SLC5A12: variants seen among roughly 807,000 people sequenced by gnomAD.
SLC5A12 encodes solute carrier family 5 member 12.
A neutral mutation model predicts 72.7 loss-of-function variants in SLC5A12; 46 were observed. The observed-to-expected ratio is 0.63, with a 90% confidence interval of 0.50 to 0.81. SLC5A12 has a LOEUF of 0.81. Ranked by LOEUF, SLC5A12 falls within the 30% of genes least tolerant of loss-of-function variation. SLC5A12 has a pLI of 0.00. For missense variants in SLC5A12, 683 were observed against 740.7 expected (o/e 0.92, Z 0.90); for synonymous variants, 275 against 264.4 (o/e 1.04, Z -0.39).
At chr11:26,693,383 A>C (rs554586673) in intron 8 of SLC5A12, among the ~76,000 whole-genome samples, 24 of 152,310 alleles carry the variant, frequency 1.6e-4, no homozygotes, top group Admixed American at 1.5e-3. Context: ...TAAAAGAGAA[A>C]GTAGCAAGAG....
chr11:26,678,296 G>C (rs1854310260), intron 13 of SLC5A12, among the ~76,000 whole-genome samples: 1 of 152,058 alleles, frequency 6.6e-6, no homozygotes, highest in African/African-American at 2.4e-5. Flanking sequence ...TTCATACTCA[G>C]GCCTCTGGGG....
intron 7 of SLC5A12, 132 bp from the exon 8 acceptor site, chr11:26,697,384 C>A (rs1298716225): frequency 9.9e-6 from 7 of 709,906 alleles, no homozygotes; most frequent in Non-Finnish European, 1.6e-5. Flanking sequence ...AGCTGTTTAG[C>A]AAAAGGAGGT....
At chr11:26,708,613 A>G (rs905761780) in intron 4 of SLC5A12, among the ~76,000 whole-genome samples, 6 of 152,108 alleles carry the variant, frequency 3.9e-5, no homozygotes, top group Non-Finnish European at 7.4e-5. Context: ...AACCACTACC[A>G]TATGCTTAAC....
Position 26,673,347 on chromosome 11 carries a change from A to T in SLC5A12, c.1707+55T>A, listed in dbSNP as rs753894673. The T allele has an allele frequency of 1.6e-4, 225 of 1,410,868 alleles. 1 individual carries two copies. Among genetic ancestry groups the T allele is most frequent in the Non-Finnish European group, 2.0e-4 (211 of 1,073,494 alleles). 87.4% of individuals were successfully genotyped at this position (1,410,868 alleles called of 1,614,324 possible). On this transcript the variant is annotated intron_variant, in intron 14 of 14. Transcript: ENST00000396005. ...TTTGCAGCCGGTTTAAATGGGCAAA[A>T]CCAGGAATCCCTTTGAGTCCATACA... is the stretch of plus-strand genomic sequence containing the variant.
chr11:26,717,656 C>T (rs1855382469), intron 1 of SLC5A12, among the ~76,000 whole-genome samples: 1 of 152,100 alleles, frequency 6.6e-6, no homozygotes, highest in African/African-American at 2.4e-5. Flanking sequence ...ATAACACTCG[C>T]CTCCAAACTC....
At chr11:26,709,800 G>C (rs1855178577) in intron 3 of SLC5A12, among the ~76,000 whole-genome samples, 2 of 152,048 alleles carry the variant, frequency 1.3e-5, no homozygotes, top group Admixed American at 1.3e-4. Context: ...CAGTAGACTT[G>C]AATTTTTATT....
At chr11:26,717,338 T>C (rs1855373960) in intron 1 of SLC5A12, among the ~76,000 whole-genome samples, 1 of 152,130 alleles carries the variant, frequency 6.6e-6, no homozygotes, top group South Asian at 2.1e-4. Context: ...AGGTAGACAT[T>C]GGCCTATAAG....
intron 6 of SLC5A12, among the ~76,000 whole-genome samples, chr11:26,701,638 A>G (rs1854960164): frequency 6.6e-6 from 1 of 152,202 alleles, no homozygotes; most frequent in Non-Finnish European, 1.5e-5. Context: ...TTACAGCTAT[A>G]TAATTTTATT....
chr11:26,681,235 A>G lies in SLC5A12; in HGVS notation c.1309-14T>C. ...TCCTAGTGCACCCTGGATGAAGAAGAAAAAGGTTAATGGGAAATTTGGCAA... is the reference window on the plus strand; with the variant it reads ...TCCTAGTGCACCCTGGATGAAGAAGGAAAAGGTTAATGGGAAATTTGGCAA... On this transcript the variant is annotated splice_polypyrimidine_tract_variant and intron_variant, in intron 11 of 14. Transcript: ENST00000396005. 4 of 1,550,756 alleles carry G rather than the reference A, an allele frequency of 2.6e-6. No homozygotes were observed. Among genetic ancestry groups the G allele is most frequent in the African/African-American group, 1.4e-5 (1 of 72,784 alleles).
intron 14 of SLC5A12, 44 bp from the exon 15 acceptor site, chr11:26,671,295 G>A: frequency 4.0e-6 from 6 of 1,513,206 alleles, no homozygotes; most frequent in Middle Eastern, 1.8e-4. Context: ...TATCCTTGAT[G>A]TACTCCAAAT....
chr11:26,713,147 A>C (rs1855271819), intron 1 of SLC5A12, among the ~76,000 whole-genome samples: 1 of 152,118 alleles, frequency 6.6e-6, no homozygotes, highest in Admixed American at 6.6e-5. Flanking sequence ...CATATCTCCC[A>C]TATCAATTCT....
At chr11:26,683,543 G>A (rs1389079911) in intron 11 of SLC5A12, among the ~76,000 whole-genome samples, 1 of 152,178 alleles carries the variant, frequency 6.6e-6, no homozygotes, top group African/African-American at 2.4e-5. Context: ...AGGATATGTG[G>A]CAGTTCATAA....
At chr11:26,711,101 T>C (rs970333148) in intron 3 of SLC5A12, among the ~76,000 whole-genome samples, 1 of 152,124 alleles carries the variant, frequency 6.6e-6, no homozygotes. Flanking sequence ...TAGAAGTATA[T>C]GAGTCAAAAC....
chr11:26,679,567 T>C (rs1590709132), intron 12 of SLC5A12, among the ~76,000 whole-genome samples: 1 of 152,176 alleles, frequency 6.6e-6, no homozygotes, highest in Non-Finnish European at 1.5e-5. Context: ...TAGGAGACAC[T>C]AGTATGGCTC....
chr11:26,673,432 A>T lies in SLC5A12; in HGVS notation c.1677T>A (p.Cys559Ter). 6.2e-7 allele frequency: 1 copy of T among 1,607,694 alleles called. No homozygotes were observed. Among genetic ancestry groups the T allele is most frequent in the Non-Finnish European group, 8.5e-7 (1 of 1,177,082 alleles). ...CTGTCCCACTGTCATGCTGAACTCC[A>T]CACCAGCATAGTGTTTTGTACTTCT... ...WSKKYKTLCW[C>*]GVQHDSGTEQ... is the part of the protein sequence containing the mutation. The change falls in exon 14 of 15, where the codon TGT (cysteine) becomes TGA (stop). Residue 559 changes from cysteine to a stop codon, truncating the protein, a stop_gained. Coordinates refer to ENST00000396005, the MANE Select transcript of SLC5A12 (RefSeq NM_178498.4). LOFTEE classifies it low-confidence loss of function (END_TRUNC).
At chr11:26,689,323 G>A (rs771234429) in intron 9 of SLC5A12, among the ~76,000 whole-genome samples, 3 of 152,092 alleles carry the variant, frequency 2.0e-5, no homozygotes, top group Admixed American at 6.6e-5. Context: ...CCTTGAACCC[G>A]GGAGGCGGAG....
At position 26,678,925 on chromosome 11, in the gene SLC5A12, A is replaced by G. The variant is rs1358632105; in HGVS notation, c.1476-110T>C. On this transcript the variant is annotated intron_variant, in intron 12 of 14. Transcript: ENST00000396005. ...GCCTGGCATCTCAAAAGCCTAAATC[A>G]TAACTTTTTGTCATTTAAAAAATTA... 6 of 578,666 alleles carry G rather than the reference A, an allele frequency of 1.0e-5. No individual in the cohort carries two copies. The East Asian group carries it at 1.8e-4, about 17-fold the overall frequency. 35.8% of individuals were successfully genotyped at this position (578,666 alleles called of 1,614,324 possible).
At chr11:26,698,342 T>C (rs922757320) in intron 7 of SLC5A12, 64 bp downstream of exon 7, 126 of 1,574,692 alleles carry the variant, frequency 8.0e-5, no homozygotes, top group Non-Finnish European at 6.8e-5. Context: ...GCCAAGATTA[T>C]CCACCAATAG....
chr11:26,692,324 C>A, intron 9 of SLC5A12, 165 bp downstream of exon 9: 1 of 593,290 alleles, frequency 1.7e-6, no homozygotes, highest in Non-Finnish European at 3.0e-6. Flanking sequence ...TTCCTGATAC[C>A]CTGCTGGATC....
Sources: allele counts gnomAD v4.1 joint callset (sites outside exome capture counted in the v4.1 genomes callset), GRCh38; gene constraint gnomAD v4.1.1; transcripts MANE v1.5; gene names NCBI Gene and HGNC (gene_info 2026-07-23, HGNC 2026-07-21).